CELF2: variants seen among roughly 807,000 people sequenced by gnomAD.
CELF2 encodes the protein CUG triplet repeat RNA-binding protein 2.
In CELF2, 8 loss-of-function variants were observed where a neutral mutation model predicts 62.6. The observed-to-expected ratio is 0.13, with a 90% CI of 0.07 to 0.23. The LOEUF is 0.23. Ranked by LOEUF, CELF2 falls within the 10% of genes least tolerant of loss-of-function variation. The pLI, the probability that CELF2 is intolerant of heterozygous loss-of-function variation, is 1.00. For synonymous variants in CELF2, 258 were observed against 250.0 expected (o/e 1.03, Z -0.30); for missense variants, 333 against 671.0 (o/e 0.50, Z 5.56).
chr10:10,465,709 C>G, the CELF2 span, among the ~76,000 whole-genome samples: 1 of 151,996 alleles, frequency 6.6e-6, no homozygotes, highest in African/African-American at 2.4e-5. Flanking sequence ...AGGAAATGAC[C>G]CCATCCAACA....
chr10:11,132,731 G>T (rs2059801909), intron 1 of CELF2, among the ~76,000 whole-genome samples: 1 of 152,170 alleles, frequency 6.6e-6, no homozygotes, highest in Non-Finnish European at 1.5e-5. Context: ...AGGAGAAAAA[G>T]TGACACAGTG....
At chr10:10,757,447 A>G in the CELF2 span, among the ~76,000 whole-genome samples, 1 of 152,184 alleles carries the variant, frequency 6.6e-6, no homozygotes, top group Non-Finnish European at 1.5e-5. Flanking sequence ...TTAAAACAGT[A>G]CAATAAAATA....
chr10:11,217,395 T>C lies in CELF2; in HGVS notation c.272-30T>C. On this transcript the variant is annotated intron_variant, in intron 2 of 12. Transcript: ENST00000633077. This position sits in a 1 kb window ranked among gnomAD's most constrained non-coding sequence, Gnocchi z 5.6. ...TATCTAAGCAAAGCATTCACAGAAA[T>C]TTCTAAAACCTTTTCATTTCTCTCT... The C allele has an allele frequency of 1.3e-6, 2 of 1,538,180 alleles. No individual in the cohort carries two copies. Among genetic ancestry groups the C allele is most frequent in the Non-Finnish European group, 1.8e-6 (2 of 1,116,052 alleles).
In CELF2 at chr10:11,214,587, G is replaced by T. The variant is rs1383046429; in HGVS notation, c.272-2838G>T. ...ATCCCCTCTTGGAATCGGCACAAAG[G>T]CTCCAGGCTTCCCTGCCAAACGCGG... On this transcript the variant is annotated intron_variant, in intron 2 of 12. Coordinates refer to ENST00000633077, the MANE Select transcript of CELF2 (RefSeq NM_001326342.2). This position sits in a 1 kb window ranked among gnomAD's most constrained non-coding sequence, Gnocchi z 4.2. Among the ~76,000 whole-genome samples the T allele has an allele frequency of 6.6e-6, 1 of 152,210 alleles. No individual in the cohort carries two copies. Among genetic ancestry groups the T allele is most frequent in the Non-Finnish European group, 1.5e-5 (1 of 68,032 alleles).
chr10:10,673,718 A>G, the CELF2 span, among the ~76,000 whole-genome samples: 1 of 152,152 alleles, frequency 6.6e-6, no homozygotes, highest in Admixed American at 6.5e-5. Context: ...CATCCCACAC[A>G]TTTTGATAAG....
chr10:10,787,128 A>G, the CELF2 span, among the ~76,000 whole-genome samples: 3 of 152,126 alleles, frequency 2.0e-5, no homozygotes, highest in Non-Finnish European at 4.4e-5. Flanking sequence ...TTGCATTTGT[A>G]ATTATAAAGT....
intron 3 of CELF2, among the ~76,000 whole-genome samples, chr10:11,241,089 C>T (rs776852004): frequency 6.6e-5 from 10 of 152,166 alleles, no homozygotes; most frequent in Non-Finnish European, 1.0e-4. Flanking sequence ...TGTAGAGTGA[C>T]GGCGAAGGGG....
chr10:10,915,591 C>CTGTTTT lies in CELF2; in HGVS notation c.54-4354_54-4349dup, dbSNP rs777493262. ...CACCTCATCTGTTTGTTTGTTTTTT[C>CTGTTTT]TGTTTTTGTTTTTGTTTTTGTTTTA... On this transcript the variant is annotated intron_variant, in intron 1 of 13. Coordinates refer to the CELF2 transcript ENST00000636488. 5.6e-3 allele frequency among the ~76,000 whole-genome samples: 848 copies of CTGTTTT among 152,060 alleles called. 1 individual carries two copies. The highest frequency in any genetic ancestry group is 7.1e-3 in the Non-Finnish European group (483 of 67,980).
the CELF2 span, among the ~76,000 whole-genome samples, chr10:10,725,370 G>C: frequency 6.6e-6 from 1 of 152,296 alleles, no homozygotes; most frequent in Middle Eastern, 3.4e-3. Flanking sequence ...CACCTGGGGT[G>C]AAATGTAGTA....
At chr10:10,473,264 C>A in the CELF2 span, among the ~76,000 whole-genome samples, 1 of 151,856 alleles carries the variant, frequency 6.6e-6, no homozygotes, top group Non-Finnish European at 1.5e-5. Context: ...AAAGTGAAGG[C>A]AGAGACCAGA....
At chr10:10,809,195 T>C (rs7096885) in intron 1 of CELF2, among the ~76,000 whole-genome samples, 107,719 of 151,666 alleles carry the variant, frequency 0.71, 38,435 homozygotes, top group African/African-American at 0.79. Flanking sequence ...GCCTCCCTCT[T>C]TCTCTCTCTT....
the CELF2 span, among the ~76,000 whole-genome samples, chr10:10,704,783 T>A: frequency 6.6e-6 from 1 of 152,232 alleles, no homozygotes; most frequent in South Asian, 2.1e-4. Context: ...GAAGTAGAAG[T>A]TTTAATTATG....
the CELF2 span, among the ~76,000 whole-genome samples, chr10:10,600,809 G>A: frequency 0.24 from 36,703 of 152,128 alleles, 4,946 homozygotes; most frequent in South Asian, 0.51. Flanking sequence ...TGGCACCACT[G>A]TGAGCAATCT....
At chr10:10,963,393 T>C (rs1240558563) in intron 2 of CELF2, among the ~76,000 whole-genome samples, 1 of 152,184 alleles carries the variant, frequency 6.6e-6, no homozygotes, top group African/African-American at 2.4e-5. Flanking sequence ...AAATCTTCTC[T>C]TATATTTCAC....
chr10:10,606,553 G>C, the CELF2 span, among the ~76,000 whole-genome samples: 1 of 152,132 alleles, frequency 6.6e-6, no homozygotes, highest in Non-Finnish European at 1.5e-5. Flanking sequence ...ATTTTCACAA[G>C]TTACCAGTAG....
chr10:10,772,768 G>A, the CELF2 span, among the ~76,000 whole-genome samples: 1 of 152,088 alleles, frequency 6.6e-6, no homozygotes, highest in Non-Finnish European at 1.5e-5. Context: ...TTATTTCCTA[G>A]GAAGCCTCCC....
chr10:11,322,214 A>G (rs998813056), intron 11 of CELF2, among the ~76,000 whole-genome samples: 1 of 152,152 alleles, frequency 6.6e-6, no homozygotes, highest in Non-Finnish European at 1.5e-5. Flanking sequence ...GGCTCTCAGT[A>G]GGTGATGGTT....
chr10:11,213,795 A>G (rs1011501256), intron 2 of CELF2, among the ~76,000 whole-genome samples: 4 of 152,230 alleles, frequency 2.6e-5, no homozygotes, highest in African/African-American at 9.6e-5. Flanking sequence ...TGCAAATTTT[A>G]ATAAAACTTA....
At chr10:10,551,944 AG>A in the CELF2 span, among the ~76,000 whole-genome samples, 1 of 149,134 alleles carries the variant, frequency 6.7e-6, no homozygotes, top group East Asian at 1.9e-4. Context: ...TGTAATTTTC[AG>A]GGTGCTTTTT....
Sources: allele counts gnomAD v4.1 joint callset (sites outside exome capture counted in the v4.1 genomes callset), GRCh38; gene constraint gnomAD v4.1.1; non-coding constraint Gnocchi (gnomAD v3.1); transcripts MANE v1.5; gene names NCBI Gene and HGNC (gene_info 2026-07-23, HGNC 2026-07-21).